FMNL2: variants seen among roughly 807,000 people sequenced by gnomAD.
FMNL2 encodes formin-like protein 2.
A neutral mutation model predicts 130.2 loss-of-function variants in FMNL2; 51 were observed. The observed-to-expected ratio is 0.39, with a 90% CI of 0.31 to 0.49. FMNL2 has a LOEUF of 0.49. FMNL2 is among the 20% of genes least tolerant of loss of function. The pLI, the probability that FMNL2 is intolerant of heterozygous loss-of-function variation, is 0.85. For synonymous variants in FMNL2, 465 were observed against 467.1 expected, an observed-to-expected ratio of 1.00 and a Z score of 0.06; for missense variants, 977 against 1,316.2, an observed-to-expected ratio of 0.74 and a Z score of 3.99.
intron 1 of FMNL2, among the ~76,000 whole-genome samples, chr2:152,368,416 A>G (rs1022018689): frequency 1.3e-5 from 2 of 151,910 alleles, no homozygotes; most frequent in African/African-American, 4.8e-5. Flanking sequence ...TAACCCATGT[A>G]TTTTTTAAGA....
At chr2:152,468,350 G>A (rs1579737857) in intron 1 of FMNL2, among the ~76,000 whole-genome samples, 1 of 152,154 alleles carries the variant, frequency 6.6e-6, no homozygotes, top group East Asian at 1.9e-4. Context: ...TGTAACCTAG[G>A]AGCAAACAGT....
intron 2 of FMNL2, among the ~76,000 whole-genome samples, chr2:152,541,731 C>T (rs1694320251): frequency 6.6e-6 from 1 of 152,074 alleles, no homozygotes; most frequent in Non-Finnish European, 1.5e-5. Flanking sequence ...TTAATGTCAC[C>T]TATTTTATAA....
At chr2:152,432,234 C>T (rs772624290) in intron 1 of FMNL2, among the ~76,000 whole-genome samples, 7 of 151,522 alleles carry the variant, frequency 4.6e-5, no homozygotes, top group East Asian at 1.9e-4. Context: ...TTAACAGTCT[C>T]AGATGATTCT....
intron 2 of FMNL2, among the ~76,000 whole-genome samples, chr2:152,541,429 T>G (rs1013017802): frequency 3.3e-5 from 5 of 152,208 alleles, no homozygotes; most frequent in African/African-American, 4.8e-5. Flanking sequence ...AAACTTTTTT[T>G]TGTGAGAAAT....
intron 8 of FMNL2, among the ~76,000 whole-genome samples, chr2:152,579,781 A>G (rs1006569742): frequency 2.0e-5 from 3 of 152,274 alleles, no homozygotes; most frequent in Admixed American, 6.5e-5. Flanking sequence ...AAAGGCTAGC[A>G]GCAGATATAA....
chr2:152,437,471 C>T (rs1006157515), intron 1 of FMNL2, among the ~76,000 whole-genome samples: 1 of 152,110 alleles, frequency 6.6e-6, no homozygotes, highest in Non-Finnish European at 1.5e-5. Flanking sequence ...AATAATGCAC[C>T]CCCCCTGCGG....
At chr2:152,509,737 CTTTTTTTTTTTTT>C (rs138976882) in intron 1 of FMNL2, among the ~76,000 whole-genome samples, 1 of 58,676 alleles carries the variant, frequency 1.7e-5, no homozygotes, top group Non-Finnish European at 2.9e-5. Flanking sequence ...TACTCTGGAC[CTTTTTTTTTTTTT>C]TTTTTTTTTT....
intron 1 of FMNL2, among the ~76,000 whole-genome samples, chr2:152,457,529 G>A (rs1330534617): frequency 6.6e-6 from 1 of 152,274 alleles, no homozygotes; most frequent in South Asian, 2.1e-4. Context: ...AGACTTCAGG[G>A]TCCACATTCA....
chr2:152,400,565 T>C (rs912669088), intron 1 of FMNL2, among the ~76,000 whole-genome samples: 1 of 152,242 alleles, frequency 6.6e-6, no homozygotes, highest in Non-Finnish European at 1.5e-5. Flanking sequence ...GCAAAGAGTA[T>C]GGAGGAGGAA....
At chr2:152,597,821 G>A (rs1697846537) in intron 9 of FMNL2, among the ~76,000 whole-genome samples, 1 of 152,214 alleles carries the variant, frequency 6.6e-6, no homozygotes, top group South Asian at 2.1e-4. Flanking sequence ...TCTTGGGCTG[G>A]GTGGAAGTGG....
intron 1 of FMNL2, among the ~76,000 whole-genome samples, chr2:152,485,894 C>T (rs889203260): frequency 1.3e-5 from 2 of 152,136 alleles, no homozygotes; most frequent in East Asian, 3.8e-4. Context: ...AACAAAATTG[C>T]TTATTAAACC....
chr2:152,432,164 G>A (rs1293862558), intron 1 of FMNL2, among the ~76,000 whole-genome samples: 1 of 151,642 alleles, frequency 6.6e-6, no homozygotes, highest in Non-Finnish European at 1.5e-5. Context: ...CCCACAGGCT[G>A]AATATGTGTT....
In FMNL2 at chr2:152,628,458, C is replaced by A. The variant is rs771550258; in HGVS notation, c.2325C>A (p.Ile775=). The A allele has an allele frequency of 1.9e-6, 3 of 1,613,988 alleles. No homozygotes were observed. In the South Asian group the frequency reaches 3.3e-5, roughly 18 times the overall value. ...EDRFMMQFSK[I]ERLMQKMTIM... ...GGTTCATGATGCAGTTTAGTAAAAT[C>A]GAGAGGCTCATGCAGAAGATGACCA... is the stretch of plus-strand genomic sequence containing the variant. The change falls in exon 18 of 26, where the codon ATC becomes ATA. Residue 775 remains isoleucine, a synonymous_variant. Coordinates refer to ENST00000288670, the MANE Select transcript of FMNL2 (RefSeq NM_052905.4).
At chr2:152,525,350 T>C (rs767105225) in intron 2 of FMNL2, among the ~76,000 whole-genome samples, 2 of 152,166 alleles carry the variant, frequency 1.3e-5, no homozygotes, top group Non-Finnish European at 2.9e-5. Flanking sequence ...TTCAGGACAT[T>C]GGAGATGACT....
chr2:152,494,456 T>C (rs1420079129), intron 1 of FMNL2, among the ~76,000 whole-genome samples: 2 of 152,226 alleles, frequency 1.3e-5, no homozygotes, highest in Non-Finnish European at 2.9e-5. Flanking sequence ...ATAATAATGC[T>C]GCAGTGTTTT....
At chr2:152,521,838 T>C (rs1423286237) in intron 1 of FMNL2, 105 bp from the exon 2 acceptor site, 2 of 835,922 alleles carry the variant, frequency 2.4e-6, no homozygotes, top group Non-Finnish European at 3.9e-6. Context: ...TGAGAGAAAG[T>C]CATGAAAAAA....
At chr2:152,391,946 A>G (rs2105930387) in intron 1 of FMNL2, among the ~76,000 whole-genome samples, 1 of 147,200 alleles carries the variant, frequency 6.8e-6, no homozygotes, top group East Asian at 2.0e-4. Context: ...ATTGTCTCGA[A>G]AACATCTACC....
At position 152,413,212 on chromosome 2, in the gene FMNL2, C is replaced by T. The variant is rs189005394; in HGVS notation, c.117+77492C>T. Among the ~76,000 whole-genome samples the T allele has an allele frequency of 3.5e-4, 53 of 152,178 alleles. 2 individuals are homozygous for T. In the East Asian group the frequency reaches 0.01, roughly 29 times the overall value. On this transcript the variant is annotated intron_variant, in intron 1 of 25. Coordinates refer to ENST00000288670, the MANE Select transcript of FMNL2 (RefSeq NM_052905.4). ...ATTTTAAAACAAGGATACAATAGAG[C>T]CAGCTTCTGTAGAAATTAGTGTATT...
At chr2:152,485,129 T>A (rs1690745366) in intron 1 of FMNL2, among the ~76,000 whole-genome samples, 1 of 152,144 alleles carries the variant, frequency 6.6e-6, no homozygotes, top group Admixed American at 6.6e-5. Flanking sequence ...GAGGATTGCA[T>A]GAGCTTAGAA....
Sources: allele counts gnomAD v4.1 joint callset (sites outside exome capture counted in the v4.1 genomes callset), GRCh38; gene constraint gnomAD v4.1.1; transcripts MANE v1.5; gene names NCBI Gene and HGNC (gene_info 2026-07-23, HGNC 2026-07-21).